PCDHA10: variants seen among roughly 807,000 people sequenced by gnomAD.
The protein encoded by PCDHA10 is protocadherin alpha 10, also known as protocadherin alpha-10.
PCDHA10 carries 45 observed loss-of-function variants against 61.2 expected under a neutral mutation model. The observed-to-expected ratio is 0.74, with a 90% confidence interval of 0.58 to 0.94. The LOEUF is 0.94. PCDHA10 is among the 40% of genes least tolerant of loss of function. PCDHA10 has a pLI of 0.00. For missense variants in PCDHA10, 1,278 were observed against 1,236.2 expected (o/e 1.03, Z -0.51); for synonymous variants, 602 against 548.8 (o/e 1.10, Z -1.35).
chr5:140,999,995 A>G (rs1174530266), intron 3 of PCDHA10, among the ~76,000 whole-genome samples: 1 of 152,068 alleles, frequency 6.6e-6, no homozygotes, highest in Non-Finnish European at 1.5e-5. Flanking sequence ...GGGTAGTGGT[A>G]TTAGATTGGC....
chr5:140,997,188 G>T (rs948891203), intron 3 of PCDHA10, among the ~76,000 whole-genome samples: 1 of 151,976 alleles, frequency 6.6e-6, no homozygotes, highest in African/African-American at 2.4e-5. Context: ...GACAATTGAT[G>T]AAACTATATT....
Position 140,917,329 on chromosome 5 carries a change from G to GT in PCDHA10, c.2388+58893_2388+58894insT, listed in dbSNP as rs1563018868. On this transcript the variant is annotated intron_variant, in intron 1 of 3. Coordinates refer to ENST00000307360, the MANE Select transcript of PCDHA10 (RefSeq NM_018901.4). ...ACAATTTGGTGTTCATGTGGCGGGG[G>GT]AGGGGGGGGATGGTGTAGGCTTCTG... is the stretch of plus-strand genomic sequence containing the variant. 5.6e-5 allele frequency among the ~76,000 whole-genome samples: 8 copies of GT among 143,930 alleles called. 1 individual carries two copies. The highest frequency in any genetic ancestry group is 9.1e-5 in the Non-Finnish European group (6 of 65,842). The allele number at this position is 143,930 out of a possible 152,430, so 94.4% of individuals were successfully genotyped here.
chr5:140,985,170 C>T (rs1465909141), intron 3 of PCDHA10, among the ~76,000 whole-genome samples: 12 of 152,168 alleles, frequency 7.9e-5, no homozygotes, highest in African/African-American at 2.9e-4. Flanking sequence ...ATCTCCTGAC[C>T]TCGTAATCCG....
chr5:140,973,929 T>C (rs2096608226), intron 1 of PCDHA10, among the ~76,000 whole-genome samples: 1 of 152,216 alleles, frequency 6.6e-6, no homozygotes, highest in Non-Finnish European at 1.5e-5. Flanking sequence ...AACCCAGAGG[T>C]TTAGCTGAAT....
At chr5:140,977,301 G>T (rs1478869150) in intron 1 of PCDHA10, among the ~76,000 whole-genome samples, 1 of 152,208 alleles carries the variant, frequency 6.6e-6, no homozygotes, top group Non-Finnish European at 1.5e-5. Context: ...CAGCTGACAA[G>T]CTAACGATAG....
chr5:140,861,496 T>C (rs2153222110), intron 1 of PCDHA10: 1 of 486,240 alleles, frequency 2.1e-6, no homozygotes, highest in Non-Finnish European at 4.2e-6. Context: ...AGTTCTCTGA[T>C]AGACCTCGAG....
rs1554262683 is a variant in PCDHA10 at position 141,010,108 on chromosome 5, G to A, written c.*171G>A. 23 of 1,611,296 alleles carry A rather than the reference G, an allele frequency of 1.4e-5. No homozygotes were observed. Among genetic ancestry groups the A allele is most frequent in the East Asian group, 4.5e-5 (2 of 44,852 alleles). On this transcript the variant is annotated 3_prime_UTR_variant, in exon 4 of 4. Transcript: ENST00000307360. ...TAGAACGCATTTAACAGGTTTTGTC[G>A]TAAAAGCTTTACTAAGTCTGGTGTT...
rs1231856848 is a variant in PCDHA10 at position 141,000,389 on chromosome 5, CTCTCTCTA to C, written c.2537-9236_2537-9229del. 6.2e-3 allele frequency among the ~76,000 whole-genome samples: 389 copies of C among 62,448 alleles called. 3 individuals are homozygous for C. Among genetic ancestry groups the C allele is most frequent in the East Asian group, 0.011 (21 of 1,838 alleles). The allele number at this position is 62,448 out of a possible 152,430, so 41.0% of individuals were successfully genotyped here. A position where few individuals can be genotyped will look rare whatever the true frequency, so the allele number is the denominator to read the frequency against. ...TCTCTCTCTCTCTCTCTCTCTCTCT[CTCTCTCTA>C]TATATATATATATATATATATATAT... is the stretch of plus-strand genomic sequence containing the variant. On this transcript the variant is annotated intron_variant, in intron 3 of 3. Coordinates refer to ENST00000307360, the MANE Select transcript of PCDHA10 (RefSeq NM_018901.4).
chr5:140,870,666 G>T (rs782557554), intron 1 of PCDHA10: 1 of 1,612,662 alleles, frequency 6.2e-7, no homozygotes, highest in Admixed American at 1.7e-5. Context: ...CGCTGCAGCC[G>T]TTGGACCACG....
chr5:140,928,659 C>T (rs782522131), intron 1 of PCDHA10: 2 of 1,614,080 alleles, frequency 1.2e-6, no homozygotes, highest in African/African-American at 2.7e-5. Context: ...AGGATGCTGA[C>T]AGTGGTTCTA....
intron 1 of PCDHA10, chr5:140,862,823 C>A (rs782375120): frequency 8.7e-6 from 5 of 571,444 alleles, no homozygotes; most frequent in Admixed American, 1.9e-5. Flanking sequence ...TAGGTGAGAG[C>A]GCGCGACGCG....
intron 1 of PCDHA10, chr5:140,927,814 G>T: frequency 6.2e-7 from 1 of 1,614,172 alleles, no homozygotes; most frequent in Non-Finnish European, 8.5e-7. Flanking sequence ...GCTCTTGGAG[G>T]CATACATTGA....
chr5:140,899,402 G>A lies in PCDHA10; in HGVS notation c.2388+40966G>A, dbSNP rs1465071147. On this transcript the variant is annotated intron_variant, in intron 1 of 3. Transcript: ENST00000307360. ...TTTATTGAGAGTTTTTAGCATGAAG[G>A]GTTGTTGAATTTTGTCAAAGGTCTT... Among the ~76,000 whole-genome samples, 5 of 152,122 alleles carry A rather than the reference G, an allele frequency of 3.3e-5. No individual in the cohort carries two copies. The East Asian group carries it at 7.7e-4, about 24-fold the overall frequency.
chr5:140,907,479 G>A (rs782466276), intron 1 of PCDHA10, among the ~76,000 whole-genome samples: 1 of 152,216 alleles, frequency 6.6e-6, no homozygotes, highest in Non-Finnish European at 1.5e-5. Context: ...TGCAGGATAG[G>A]CAAACCCATA....
chr5:140,966,318 C>A, intron 1 of PCDHA10: 1 of 389,680 alleles, frequency 2.6e-6, no homozygotes, highest in African/African-American at 2.1e-5. Context: ...TCCTGCGGTC[C>A]GCTGGGATCC....
chr5:140,942,733 T>C (rs1344147840), intron 1 of PCDHA10, among the ~76,000 whole-genome samples: 1 of 152,184 alleles, frequency 6.6e-6, no homozygotes, highest in Non-Finnish European at 1.5e-5. Context: ...TTGAAAAATA[T>C]TTTAAAATCT....
At chr5:140,877,091 C>G (rs782722834) in intron 1 of PCDHA10, 2 of 1,613,252 alleles carry the variant, frequency 1.2e-6, no homozygotes, top group African/African-American at 1.3e-5. Flanking sequence ...GCGCGCGACG[C>G]CGGCGTGCCG....
Position 140,929,271 on chromosome 5 carries a change from A to G in PCDHA10, c.2389-49678A>G, listed in dbSNP as rs782266407. 9.9e-6 allele frequency: 16 copies of G among 1,610,716 alleles called. No individual in the cohort carries two copies. In the Admixed American group the frequency reaches 2.7e-4, roughly 27 times the overall value. On this transcript the variant is annotated intron_variant, in intron 1 of 3. Transcript: ENST00000307360. ...CTGGGGTAGGACTGAATTTGCCAAT[A>G]TCCTGTATTCAGATTCGGAATAGGA...
intron 1 of PCDHA10, among the ~76,000 whole-genome samples, chr5:140,911,798 T>C (rs1387986120): frequency 6.6e-6 from 1 of 152,178 alleles, no homozygotes; most frequent in Non-Finnish European, 1.5e-5. Context: ...GGTCTAATCA[T>C]ATTAAGCAGC....
Sources: allele counts gnomAD v4.1 joint callset (sites outside exome capture counted in the v4.1 genomes callset), GRCh38; gene constraint gnomAD v4.1.1; transcripts MANE v1.5; gene names NCBI Gene and HGNC (gene_info 2026-07-23, HGNC 2026-07-21).